Variants in WWOX observed in about 807,000 individuals in gnomAD.
WWOX encodes the protein WW domain containing oxidoreductase.
In WWOX, 69 loss-of-function variants were observed where a neutral mutation model predicts 46.2. The observed-to-expected ratio is 1.49, with a 90% confidence interval of 1.23 to 1.82. The LOEUF (loss-of-function observed/expected upper bound fraction) is 1.82. Among genes scored for constraint, WWOX ranks in the 40% most tolerant of loss-of-function variants. The pLI is 0.00. For missense variants in WWOX, 919 were observed against 542.6 expected, an observed-to-expected ratio of 1.69 and a Z score of -6.89; for synonymous variants, 359 against 202.6, an observed-to-expected ratio of 1.77 and a Z score of -6.56.
chr16:78,814,395 A>G (rs923063585), intron 8 of WWOX, among the ~76,000 whole-genome samples: 3 of 152,182 alleles, frequency 2.0e-5, no homozygotes, highest in African/African-American at 7.2e-5. Context: ...ATATGTTAAA[A>G]AATACGATGT....
chr16:78,938,875 C>T (rs538046150), intron 8 of WWOX, among the ~76,000 whole-genome samples: 23 of 152,246 alleles, frequency 1.5e-4, no homozygotes, highest in Non-Finnish European at 2.9e-4. Context: ...GCTGAGCTGC[C>T]AGGGCCAGCC....
At chr16:78,608,132 T>A (rs540224475) in intron 8 of WWOX, among the ~76,000 whole-genome samples, 1 of 152,168 alleles carries the variant, frequency 6.6e-6, no homozygotes, top group African/African-American at 2.4e-5. Flanking sequence ...TGAGAGTGCC[T>A]GAAACCCAGA....
chr16:79,109,096 C>G (rs1316728236), intron 8 of WWOX, among the ~76,000 whole-genome samples: 2 of 151,950 alleles, frequency 1.3e-5, no homozygotes, highest in African/African-American at 4.8e-5. Flanking sequence ...GGGTTCCTCT[C>G]CCAGGTACTC....
intron 4 of WWOX, among the ~76,000 whole-genome samples, chr16:78,157,960 A>G (rs1211370385): frequency 6.6e-6 from 1 of 152,206 alleles, no homozygotes; most frequent in Non-Finnish European, 1.5e-5. Flanking sequence ...GGCTCTCAAT[A>G]TATGTTTACC....
At chr16:78,892,157 G>A (rs1313589864) in intron 8 of WWOX, 2 of 152,122 alleles carry the variant, frequency 1.3e-5, no homozygotes, top group Admixed American at 6.6e-5. Context: ...TCTACTGGCA[G>A]TGAGACCAGC....
chr16:79,068,201 T>A lies in WWOX; in HGVS notation c.1057-143407T>A, dbSNP rs190478346. Among the ~76,000 whole-genome samples, 191 of 152,270 alleles carry A rather than the reference T, an allele frequency of 1.3e-3. 1 individual carries two copies. The highest frequency in any genetic ancestry group is 0.012 in the Admixed American group (176 of 15,300). ...TGGGTGAATGACCCTGTAATCCTTA[T>A]AAAAATAGTAGCAACGGTAACTAAT... On this transcript the variant is annotated intron_variant, in intron 8 of 8. Transcript: ENST00000566780.
At chr16:78,631,947 G>C (rs1039107259) in intron 8 of WWOX, among the ~76,000 whole-genome samples, 5 of 149,228 alleles carry the variant, frequency 3.4e-5, no homozygotes, top group South Asian at 2.1e-4. Flanking sequence ...ACAGTGATTG[G>C]AGGTGGTTTA....
intron 5 of WWOX, among the ~76,000 whole-genome samples, chr16:78,370,788 TGGGGG>T (rs58327362): frequency 8.0e-6 from 1 of 124,604 alleles, no homozygotes; most frequent in African/African-American, 3.0e-5. Context: ...CTTTTTTTTT[TGGGGG>T]GGGGGGGGCA....
intron 8 of WWOX, among the ~76,000 whole-genome samples, chr16:78,934,864 C>G (rs751174260): frequency 6.6e-6 from 1 of 152,158 alleles, no homozygotes; most frequent in Non-Finnish European, 1.5e-5. Flanking sequence ...CTTTGGGAGG[C>G]CAAGGCGGGT....
At chr16:79,012,000 G>C (rs1238589166) in intron 8 of WWOX, among the ~76,000 whole-genome samples, 1 of 151,982 alleles carries the variant, frequency 6.6e-6, no homozygotes, top group Non-Finnish European at 1.5e-5. Context: ...CTATTGTTTT[G>C]TCCCTCACTT....
chr16:79,124,600 G>A (rs904814996), intron 8 of WWOX, among the ~76,000 whole-genome samples: 3 of 152,112 alleles, frequency 2.0e-5, no homozygotes, highest in Admixed American at 6.5e-5. Context: ...AGAAAGAAAT[G>A]CCTTTATTTT....
At chr16:78,990,613 G>C (rs1037732136) in intron 8 of WWOX, among the ~76,000 whole-genome samples, 4 of 152,118 alleles carry the variant, frequency 2.6e-5, no homozygotes, top group Non-Finnish European at 5.9e-5. Context: ...AGATGGTAGA[G>C]CGAACAGGCC....
chr16:78,508,631 G>A (rs1011851849), intron 8 of WWOX, among the ~76,000 whole-genome samples: 4 of 152,154 alleles, frequency 2.6e-5, no homozygotes, highest in Non-Finnish European at 5.9e-5. Context: ...CAATGATGTT[G>A]CTCATTTTTG....
intron 8 of WWOX, among the ~76,000 whole-genome samples, chr16:78,614,449 C>T (rs1409787146): frequency 6.6e-6 from 1 of 152,238 alleles, no homozygotes; most frequent in Non-Finnish European, 1.5e-5. Context: ...TATACTCTGG[C>T]TGGGGTGAGG....
In WWOX at chr16:78,326,588, C is replaced by CCA. The variant is rs1491472368; in HGVS notation, c.517-60271_517-60270insAC. 2.3e-3 allele frequency among the ~76,000 whole-genome samples: 248 copies of CCA among 107,334 alleles called. 18 individuals carry two copies. Among genetic ancestry groups the CCA allele is most frequent in the Non-Finnish European group, 4.0e-3 (214 of 53,076 alleles). The allele number at this position is 107,334 out of a possible 152,430, so 70.4% of individuals were successfully genotyped here. A position where few individuals can be genotyped will look rare whatever the true frequency, so the allele number is the denominator to read the frequency against. Reference sequence around the variant, plus strand: ...CCTGCCCTCCCCCCGCCCCCCCCCCCCGCAATGCCTCAATCTGTGGCAGAG... The same window carrying CCA: ...CCTGCCCTCCCCCCGCCCCCCCCCCCCACGCAATGCCTCAATCTGTGGCAGAG... On this transcript the variant is annotated intron_variant, in intron 5 of 8. Transcript: ENST00000566780.
At chr16:78,674,372 C>T (rs2047540831) in intron 8 of WWOX, among the ~76,000 whole-genome samples, 1 of 151,848 alleles carries the variant, frequency 6.6e-6, no homozygotes, top group African/African-American at 2.4e-5. Flanking sequence ...GCAACCTCTC[C>T]CTTCCAAGTT....
chr16:78,689,517 C>G (rs1381560604), intron 8 of WWOX, among the ~76,000 whole-genome samples: 4 of 152,222 alleles, frequency 2.6e-5, no homozygotes, highest in Admixed American at 2.6e-4. Context: ...GCTGGATCTT[C>G]ATAGTCCAGT....
Position 78,115,210 on chromosome 16 carries a change from G to T in WWOX, c.409+56G>T, listed in dbSNP as rs750504374. ...GGACTGCTATAATGAGATCCACTTA[G>T]ATCTAGCTATAATGGAATTTTGTTT... On this transcript the variant is annotated intron_variant, in intron 4 of 8. Transcript: ENST00000566780. 292 of 1,602,026 alleles carry T rather than the reference G, an allele frequency of 1.8e-4. 1 individual carries two copies. The highest frequency in any genetic ancestry group is 2.3e-4 in the Non-Finnish European group (270 of 1,169,378).
chr16:78,721,585 T>C (rs1014936322), intron 8 of WWOX, among the ~76,000 whole-genome samples: 4 of 152,146 alleles, frequency 2.6e-5, no homozygotes, highest in African/African-American at 9.7e-5. Context: ...CCTGAACCAC[T>C]TGTGTTAGAA....
Sources: allele counts gnomAD v4.1 joint callset (sites outside exome capture counted in the v4.1 genomes callset), GRCh38; gene constraint gnomAD v4.1.1; transcripts MANE v1.5; gene names NCBI Gene and HGNC (gene_info 2026-07-23, HGNC 2026-07-21).